The following SPIRE1 variants were observed in gnomAD, a reference collection of about 807,000 sequenced individuals.
SPIRE1 encodes protein spire homolog 1.
SPIRE1 carries 40 observed loss-of-function variants against 94.1 expected under a neutral mutation model. That is an observed-to-expected ratio of 0.43 (90% CI 0.33 to 0.55). The LOEUF (loss-of-function observed/expected upper bound fraction) is 0.55, where lower values mean the gene tolerates loss of function less well. SPIRE1 is among the 20% of genes least tolerant of loss of function. The pLI is 0.06. For synonymous variants in SPIRE1, 376 were observed against 371.7 expected (o/e 1.01, Z -0.13); for missense variants, 838 against 975.2 (o/e 0.86, Z 1.87).
intron 3 of SPIRE1, among the ~76,000 whole-genome samples, chr18:12,539,203 C>T (rs2034932339): frequency 6.6e-6 from 1 of 152,152 alleles, no homozygotes. Context: ...TCTTGAATTC[C>T]CATGTGTTGT....
chr18:12,569,153 A>C (rs2035891425), intron 2 of SPIRE1, among the ~76,000 whole-genome samples: 1 of 152,118 alleles, frequency 6.6e-6, no homozygotes, highest in Non-Finnish European at 1.5e-5. Flanking sequence ...ATCCTGGCTA[A>C]CACGGTGAAA....
Position 12,492,925 on chromosome 18 carries a change from T to C in SPIRE1, c.1189+147A>G, listed in dbSNP as rs1368645242. 19 of 855,634 alleles carry C rather than the reference T, an allele frequency of 2.2e-5. No homozygotes were observed. The Admixed American group carries it at 5.0e-4, about 22-fold the overall frequency. 53.0% of individuals were successfully genotyped at this position (855,634 alleles called of 1,614,324 possible). A position where few individuals can be genotyped will look rare whatever the true frequency, so the allele number is the denominator to read the frequency against. On this transcript the variant is annotated intron_variant, in intron 8 of 16. Transcript: ENST00000409402. ...ATGAGAGAGTGAGAGGGGGTATGTA[T>C]ACGAGAGAGTGAGAGGGAGAACAAG...
At chr18:12,618,568 T>G (rs529943544) in intron 2 of SPIRE1, among the ~76,000 whole-genome samples, 2 of 152,236 alleles carry the variant, frequency 1.3e-5, no homozygotes, top group African/African-American at 4.8e-5. Context: ...TTGAAAGCTA[T>G]CTATACTTTT....
chr18:12,525,043 G>A (rs991734262), intron 4 of SPIRE1, among the ~76,000 whole-genome samples: 5 of 151,226 alleles, frequency 3.3e-5, no homozygotes, highest in East Asian at 1.9e-4. Context: ...TTGGGAGGCC[G>A]AGGCAGGCAG....
chr18:12,634,491 A>G (rs12958200), intron 2 of SPIRE1, among the ~76,000 whole-genome samples: 59,055 of 151,756 alleles, frequency 0.39, 12,179 homozygotes, highest in East Asian at 0.6. Context: ...AGCTAACTCA[A>G]TTCTGCAAAT....
chr18:12,578,808 T>C (rs931808192), intron 2 of SPIRE1, among the ~76,000 whole-genome samples: 1 of 152,142 alleles, frequency 6.6e-6, no homozygotes, highest in African/African-American at 2.4e-5. Context: ...ATTCAAATAC[T>C]AAAAGAAACA....
intron 4 of SPIRE1, among the ~76,000 whole-genome samples, chr18:12,512,966 A>T (rs1430421934): frequency 6.6e-6 from 1 of 152,078 alleles, no homozygotes; most frequent in African/African-American, 2.4e-5. Context: ...CACTCAACAG[A>T]ATCATCGATT....
intron 10 of SPIRE1, among the ~76,000 whole-genome samples, chr18:12,476,541 CAA>C (rs558968043): frequency 2.8e-4 from 13 of 46,832 alleles, no homozygotes; most frequent in East Asian, 9.1e-4. Flanking sequence ...ACTCTGTCTC[CAA>C]AAAAAAAAAA....
At chr18:12,489,059 G>A (rs1380560866) in intron 8 of SPIRE1, among the ~76,000 whole-genome samples, 1 of 152,098 alleles carries the variant, frequency 6.6e-6, no homozygotes, top group Non-Finnish European at 1.5e-5. Context: ...TTGGTGGCGG[G>A]CTCCTGTAGT....
intron 11 of SPIRE1, among the ~76,000 whole-genome samples, chr18:12,463,834 G>A (rs2031978220): frequency 6.6e-6 from 1 of 152,006 alleles, no homozygotes; most frequent in Non-Finnish European, 1.5e-5. Context: ...TGTTTACCAA[G>A]ACATTTTGTC....
chr18:12,638,698 T>C (rs1455573377), intron 1 of SPIRE1, among the ~76,000 whole-genome samples: 1 of 152,132 alleles, frequency 6.6e-6, no homozygotes, highest in Non-Finnish European at 1.5e-5. Context: ...GGGAAGTGAT[T>C]AGATCATGAG....
intron 2 of SPIRE1, among the ~76,000 whole-genome samples, chr18:12,627,884 G>T (rs1437179082): frequency 2.6e-5 from 4 of 151,426 alleles, no homozygotes; most frequent in Non-Finnish European, 5.9e-5. Flanking sequence ...CATATCCTTT[G>T]CCCACTTTTT....
chr18:12,662,032 T>C, upstream of SPIRE1: 1 of 279,724 alleles, frequency 3.6e-6, no homozygotes, highest in East Asian at 1.0e-4. Flanking sequence ...CTTATTCTTG[T>C]AGAATAAGTG....
chr18:12,482,051 T>G (rs1289483960), intron 9 of SPIRE1, among the ~76,000 whole-genome samples: 1 of 152,228 alleles, frequency 6.6e-6, no homozygotes, highest in African/African-American at 2.4e-5. Context: ...CTTCTCATGC[T>G]GGCCCCACAT....
At position 12,458,849 on chromosome 18, in the gene SPIRE1, A is replaced by G. The variant is rs147104760; in HGVS notation, c.1639-4366T>C. On this transcript the variant is annotated intron_variant, in intron 12 of 16. Transcript: ENST00000409402. ...AGGACAGAGGTTTTTCCTGCATTTC[A>G]TGACAAAGATCAGAGAAAGGAATGT... Among the ~76,000 whole-genome samples the G allele has an allele frequency of 3.2e-3, 493 of 152,328 alleles. 1 individual carries two copies. The highest frequency in any genetic ancestry group is 0.011 in the African/African-American group (461 of 41,580).
intron 2 of SPIRE1, among the ~76,000 whole-genome samples, chr18:12,571,021 C>G (rs2035947997): frequency 6.6e-6 from 1 of 152,162 alleles, no homozygotes; most frequent in Middle Eastern, 3.4e-3. Flanking sequence ...AGATGTTTTT[C>G]AGACCTGGTA....
intron 2 of SPIRE1, among the ~76,000 whole-genome samples, chr18:12,592,653 T>C (rs2036565956): frequency 6.6e-6 from 1 of 152,220 alleles, no homozygotes; most frequent in Admixed American, 6.5e-5. Flanking sequence ...TTGCAAAGCC[T>C]GTCTCTATCT....
chr18:12,591,968 C>CAAA (rs35668057), intron 2 of SPIRE1, among the ~76,000 whole-genome samples: 36 of 67,380 alleles, frequency 5.3e-4, no homozygotes, highest in South Asian at 1.3e-3. Flanking sequence ...GACTCCATCT[C>CAAA]AAAAAAAAAA....
At chr18:12,468,996 C>T (rs1006434225) in intron 10 of SPIRE1, among the ~76,000 whole-genome samples, 2 of 152,000 alleles carry the variant, frequency 1.3e-5, no homozygotes, top group Non-Finnish European at 2.9e-5. Context: ...ACCAAGAGGT[C>T]GAGGCTGCAA....
Sources: allele counts gnomAD v4.1 joint callset (sites outside exome capture counted in the v4.1 genomes callset), GRCh38; gene constraint gnomAD v4.1.1; transcripts MANE v1.5; gene names NCBI Gene and HGNC (gene_info 2026-07-23, HGNC 2026-07-21).